ERC1: variants seen among roughly 807,000 people sequenced by gnomAD.
The protein encoded by ERC1 is RAB6 interacting protein 2.
Under a neutral mutation model 132.0 loss-of-function variants are expected in ERC1, and 56 were observed. The observed-to-expected ratio is 0.42, with a 90% CI of 0.34 to 0.53. The LOEUF (loss-of-function observed/expected upper bound fraction) is 0.53. Ranked by LOEUF, ERC1 falls within the 20% of genes least tolerant of loss-of-function variation. The probability of loss-of-function intolerance (pLI) is 0.03; values close to 1 mark genes in which losing one functional copy is unlikely to be tolerated. For synonymous variants in ERC1, 478 were observed against 476.1 expected (o/e 1.00, Z -0.05); for missense variants, 1,202 against 1,349.9 (o/e 0.89, Z 1.72).
chr12:1,230,166 C>G (rs974311376), intron 12 of ERC1, among the ~76,000 whole-genome samples: 1 of 152,096 alleles, frequency 6.6e-6, no homozygotes, highest in African/African-American at 2.4e-5. Flanking sequence ...GCCACCACGC[C>G]TGGCTAATTC....
At chr12:1,247,969 C>G (rs978016684) in intron 13 of ERC1, among the ~76,000 whole-genome samples, 1 of 152,088 alleles carries the variant, frequency 6.6e-6, no homozygotes, top group African/African-American at 2.4e-5. Flanking sequence ...GCACTCTAGC[C>G]TGGGCAACAA....
chr12:1,271,639 T>TTA (rs1323589074), intron 14 of ERC1, among the ~76,000 whole-genome samples: 2 of 152,206 alleles, frequency 1.3e-5, no homozygotes, highest in African/African-American at 4.8e-5. Context: ...TAGCACACTA[T>TTA]GGCCTCGAAC....
At chr12:1,488,033 A>G (rs567978243) in intron 18 of ERC1, among the ~76,000 whole-genome samples, 46 of 151,376 alleles carry the variant, frequency 3.0e-4, no homozygotes, top group African/African-American at 1.1e-3. Flanking sequence ...AGGTACTCGG[A>G]AGGCTGAGGC....
intron 2 of ERC1, among the ~76,000 whole-genome samples, chr12:1,047,373 T>C (rs1971243777): frequency 6.6e-6 from 1 of 152,182 alleles, no homozygotes; most frequent in Non-Finnish European, 1.5e-5. Context: ...TTTTAATGTC[T>C]ATATATATTC....
At chr12:1,004,315 C>G (rs187661351) in intron 1 of ERC1, among the ~76,000 whole-genome samples, 4 of 151,932 alleles carry the variant, frequency 2.6e-5, no homozygotes, top group East Asian at 1.9e-4. Flanking sequence ...ATGCTTCCCC[C>G]CCTTTCAACC....
intron 18 of ERC1, among the ~76,000 whole-genome samples, chr12:1,461,327 C>T (rs1405368192): frequency 1.3e-5 from 2 of 152,014 alleles, no homozygotes; most frequent in African/African-American, 4.8e-5. Context: ...TTTTTAAAAC[C>T]TTTGTCGCCC....
chr12:1,180,705 C>T (rs1036114552), intron 9 of ERC1, 28 bp downstream of exon 9: 2 of 1,613,008 alleles, frequency 1.2e-6, no homozygotes, highest in South Asian at 1.1e-5. Flanking sequence ...ACTCTCCACA[C>T]ACGTTTTCTG....
intron 16 of ERC1, among the ~76,000 whole-genome samples, chr12:1,398,183 C>T (rs1351566358): frequency 6.6e-6 from 1 of 151,796 alleles, no homozygotes; most frequent in Non-Finnish European, 1.5e-5. Context: ...GGGGTTTCAC[C>T]ATGTTGCCCA....
At chr12:1,211,381 C>T (rs1157418349) in intron 12 of ERC1, among the ~76,000 whole-genome samples, 3 of 152,110 alleles carry the variant, frequency 2.0e-5, no homozygotes, top group Non-Finnish European at 4.4e-5. Flanking sequence ...ATTCCCATCT[C>T]AGGTGATCCA....
intron 8 of ERC1, among the ~76,000 whole-genome samples, chr12:1,146,321 T>G (rs1254537460): frequency 2.1e-5 from 3 of 144,116 alleles, no homozygotes; most frequent in Admixed American, 2.1e-4. Context: ...TTTTTTTTTT[T>G]TTTTTTTTTT....
intron 8 of ERC1, among the ~76,000 whole-genome samples, chr12:1,160,955 CAT>C (rs1212267852): frequency 1.3e-5 from 2 of 152,204 alleles, no homozygotes; most frequent in Non-Finnish European, 2.9e-5. Context: ...ACCACCTACA[CAT>C]ATTTTCCTAG....
At position 1,355,702 on chromosome 12, in the gene ERC1, G is replaced by A. The variant is rs144140021; in HGVS notation, c.2781-16131G>A. ...GTCTTGTCTTTATTCCTCTTGCTCT[G>A]ATCGTCAGCTCCAACTGGTCACAGA... On this transcript the variant is annotated intron_variant, in intron 15 of 18. Transcript: ENST00000360905. Among the ~76,000 whole-genome samples, 688 of 152,296 alleles carry A rather than the reference G, an allele frequency of 4.5e-3. 3 individuals are homozygous for A. The highest frequency in any genetic ancestry group is 0.015 in the African/African-American group (611 of 41,560).
At chr12:1,108,937 G>A (rs1479880639) in intron 4 of ERC1, among the ~76,000 whole-genome samples, 2 of 152,150 alleles carry the variant, frequency 1.3e-5, no homozygotes, top group Non-Finnish European at 2.9e-5. Context: ...TGAGAATAAA[G>A]GAGACTTAAT....
At chr12:1,218,358 A>T (rs1255984307) in intron 12 of ERC1, among the ~76,000 whole-genome samples, 1 of 151,986 alleles carries the variant, frequency 6.6e-6, no homozygotes, top group Non-Finnish European at 1.5e-5. Context: ...CTCCTTGTTC[A>T]CAAGTGTACT....
intron 17 of ERC1, among the ~76,000 whole-genome samples, chr12:1,440,659 TGTGTGTGTGA>T (rs1193689928): frequency 4.2e-5 from 5 of 120,276 alleles, no homozygotes; most frequent in African/African-American, 1.4e-4. Context: ...TGTGTGTGTG[TGTGTGTGTGA>T]TGGAGTCTCA....
intron 7 of ERC1, among the ~76,000 whole-genome samples, chr12:1,120,012 A>G (rs1946902833): frequency 6.6e-6 from 1 of 151,800 alleles, no homozygotes; most frequent in South Asian, 2.1e-4. Flanking sequence ...TTTTGCGACA[A>G]GGTTTCACTT....
At chr12:1,309,879 G>A (rs1200707318) in intron 15 of ERC1, among the ~76,000 whole-genome samples, 1 of 151,064 alleles carries the variant, frequency 6.6e-6, no homozygotes, top group Admixed American at 6.6e-5. Flanking sequence ...CAGTTTCCTC[G>A]TCTATAGAGT....
intron 14 of ERC1, among the ~76,000 whole-genome samples, chr12:1,278,119 C>A (rs987932768): frequency 6.6e-6 from 1 of 152,168 alleles, no homozygotes; most frequent in Non-Finnish European, 1.5e-5. Context: ...ACAAAACAAA[C>A]CCCACCACAG....
intron 15 of ERC1, among the ~76,000 whole-genome samples, chr12:1,303,972 A>G (rs541506011): frequency 6.6e-5 from 10 of 150,526 alleles, no homozygotes; most frequent in Non-Finnish European, 1.0e-4. Context: ...AAAAAAAAAG[A>G]ATTCCATTAG....
Sources: allele counts gnomAD v4.1 joint callset (sites outside exome capture counted in the v4.1 genomes callset), GRCh38; gene constraint gnomAD v4.1.1; transcripts MANE v1.5; gene names NCBI Gene and HGNC (gene_info 2026-07-23, HGNC 2026-07-21).